The following TFDP2 variants were observed in gnomAD, a reference collection of about 807,000 sequenced individuals.
TFDP2 encodes the protein transcription factor Dp-2 (E2F dimerization partner 2).
A neutral mutation model predicts 59.3 loss-of-function variants in TFDP2; 17 were observed. The observed-to-expected ratio is 0.29, with a 90% CI of 0.20 to 0.43. The LOEUF is 0.43. Ranked by LOEUF, TFDP2 falls within the 20% of genes least tolerant of loss-of-function variation. The pLI is 1.00. For missense variants in TFDP2, 391 were observed against 528.8 expected, an observed-to-expected ratio of 0.74 and a Z score of 2.56; for synonymous variants, 180 against 194.7, an observed-to-expected ratio of 0.92 and a Z score of 0.63.
Position 141,969,054 on chromosome 3 carries a change from C to CAT in TFDP2, c.732+1017_732+1018dup, listed in dbSNP as rs36171492. ...ATCTCATATATAGATATATATATAA[C>CAT]ATATATATCTCATATATATGAGATA... On this transcript the variant is annotated intron_variant, in intron 9 of 12. Transcript: ENST00000489671. Among the ~76,000 whole-genome samples the CAT allele has an allele frequency of 4.0e-3, 245 of 60,752 alleles. 39 individuals are homozygous for CAT. The highest frequency in any genetic ancestry group is 0.024 in the African/African-American group (225 of 9,242). The allele number at this position is 60,752 out of a possible 152,430, so 39.9% of individuals were successfully genotyped here. A position where few individuals can be genotyped will look rare whatever the true frequency, so the allele number is the denominator to read the frequency against.
intron 1 of TFDP2, among the ~76,000 whole-genome samples, chr3:142,102,818 A>G (rs931442007): frequency 2.0e-5 from 3 of 152,238 alleles, no homozygotes; most frequent in African/African-American, 7.2e-5. Flanking sequence ...TCTAAATTTA[A>G]TCATGAGGAA....
intron 3 of TFDP2, among the ~76,000 whole-genome samples, chr3:142,081,858 G>T (rs182987851): frequency 1.3e-5 from 2 of 152,236 alleles, no homozygotes; most frequent in Admixed American, 6.5e-5. Flanking sequence ...GTAAAGAAAA[G>T]CCCAGCACCT....
chr3:141,960,712 A>G (rs1937246585), intron 10 of TFDP2, among the ~76,000 whole-genome samples: 1 of 152,222 alleles, frequency 6.6e-6, no homozygotes, highest in Admixed American at 6.5e-5. Context: ...TAAGTAATCT[A>G]AAGTATATGA....
chr3:142,061,675 T>A (rs1253220572), intron 3 of TFDP2, among the ~76,000 whole-genome samples: 1 of 152,082 alleles, frequency 6.6e-6, no homozygotes, highest in Non-Finnish European at 1.5e-5. Flanking sequence ...GAATTGGGAC[T>A]TGTACCATCA....
chr3:141,990,990 G>A (rs938459644), intron 6 of TFDP2, among the ~76,000 whole-genome samples: 5 of 151,312 alleles, frequency 3.3e-5, no homozygotes, highest in African/African-American at 4.9e-5. Context: ...CCCAGGAAGC[G>A]TAAGTTGCAG....
chr3:142,131,313 G>T (rs1376519435), intron 1 of TFDP2, among the ~76,000 whole-genome samples: 1 of 149,944 alleles, frequency 6.7e-6, no homozygotes, highest in Non-Finnish European at 1.5e-5. Flanking sequence ...AACATATAAA[G>T]CAAAAACTGA....
At chr3:142,146,385 T>A (rs1390056147) in intron 1 of TFDP2, among the ~76,000 whole-genome samples, 1 of 151,716 alleles carries the variant, frequency 6.6e-6, no homozygotes, top group Non-Finnish European at 1.5e-5. Flanking sequence ...TCTAAATGAC[T>A]TATATATATA....
intron 1 of TFDP2, among the ~76,000 whole-genome samples, chr3:142,128,172 A>T (rs1257484543): frequency 1.3e-5 from 2 of 152,206 alleles, no homozygotes; most frequent in Non-Finnish European, 2.9e-5. Flanking sequence ...ACTGCACTCC[A>T]GCCTGGGCAA....
At chr3:142,076,781 T>C (rs1011720228) in intron 3 of TFDP2, among the ~76,000 whole-genome samples, 2 of 152,168 alleles carry the variant, frequency 1.3e-5, no homozygotes, top group African/African-American at 4.8e-5. Flanking sequence ...AGCTGGGGAA[T>C]GAAGCAAGAT....
At chr3:142,118,030 G>A (rs146290567) in intron 1 of TFDP2, among the ~76,000 whole-genome samples, 11 of 152,258 alleles carry the variant, frequency 7.2e-5, no homozygotes, top group East Asian at 1.9e-4. Flanking sequence ...CCCGGGAGGC[G>A]GAGGTTGCAG....
At chr3:142,080,805 T>G (rs1201093051) in intron 3 of TFDP2, among the ~76,000 whole-genome samples, 1 of 152,184 alleles carries the variant, frequency 6.6e-6, no homozygotes, top group Non-Finnish European at 1.5e-5. Context: ...TAAATATATA[T>G]GTACCCAACA....
rs1038236702 is a variant in TFDP2 at position 142,005,491 on chromosome 3, T to G, written c.136A>C (p.Ile46Leu). The G allele has an allele frequency of 6.2e-7, 1 of 1,611,216 alleles. No homozygotes were observed. Among genetic ancestry groups the G allele is most frequent in the East Asian group, 2.2e-5 (1 of 44,810 alleles). Residue 46 changes from isoleucine (I) to leucine (L), a missense_variant, in exon 4 of 13, where the codon ATT (isoleucine) becomes CTT (leucine). Coordinates refer to ENST00000489671, the MANE Select transcript of TFDP2 (RefSeq NM_001178139.2). ...ATTGGTCCTAAGGTTTTTGGTAAAA[T>G]CTTTGTAGGTGAGTTGGTATTGGAA... The part of the protein sequence containing the change: ...PVSNTNSPTK[I>L]LPKTLGPINV...
At chr3:142,027,202 C>T (rs1576767318) in intron 3 of TFDP2, among the ~76,000 whole-genome samples, 1 of 152,172 alleles carries the variant, frequency 6.6e-6, no homozygotes, top group South Asian at 2.1e-4. Flanking sequence ...ATTAATTATA[C>T]AGGCTACAGG....
chr3:141,963,269 T>A (rs1052403611), intron 10 of TFDP2, among the ~76,000 whole-genome samples: 1 of 152,184 alleles, frequency 6.6e-6, no homozygotes, highest in Non-Finnish European at 1.5e-5. Context: ...AATATTATCA[T>A]TGATCTTAGT....
At chr3:142,078,852 A>G (rs2060548331) in intron 3 of TFDP2, among the ~76,000 whole-genome samples, 1 of 152,188 alleles carries the variant, frequency 6.6e-6, no homozygotes, top group African/African-American at 2.4e-5. Context: ...GTGACCTTTC[A>G]GACAGAGAAT....
intron 2 of TFDP2, among the ~76,000 whole-genome samples, chr3:142,096,885 A>G (rs1403637996): frequency 6.6e-6 from 1 of 152,218 alleles, no homozygotes; most frequent in Non-Finnish European, 1.5e-5. Flanking sequence ...AGCTCATAGG[A>G]TCGAGTCAAA....
intron 8 of TFDP2, among the ~76,000 whole-genome samples, chr3:141,972,190 C>G (rs1289514569): frequency 2.6e-5 from 4 of 152,142 alleles, no homozygotes; most frequent in Non-Finnish European, 5.9e-5. Context: ...GTAGGAGCAT[C>G]CCTTTATCAG....
chr3:141,981,210 AC>A (rs1236558833), intron 6 of TFDP2, among the ~76,000 whole-genome samples: 1 of 152,144 alleles, frequency 6.6e-6, no homozygotes, highest in African/African-American at 2.4e-5. Context: ...AATACTTATC[AC>A]TGTGTTACAA....
At chr3:142,001,785 C>A in intron 4 of TFDP2, among the ~76,000 whole-genome samples, 1 of 152,174 alleles carries the variant, frequency 6.6e-6, no homozygotes, top group East Asian at 1.9e-4. Context: ...TCCAATTTCA[C>A]GGCTCCTAAG....
Sources: gnomAD v4.1 joint callset for allele counts (sites outside exome capture counted in the v4.1 genomes callset) on GRCh38, gnomAD v4.1.1 for gene constraint, MANE v1.5 for transcripts, NCBI Gene and HGNC (gene_info 2026-07-23, HGNC 2026-07-21) for gene names.